AGK: variants seen among roughly 807,000 people sequenced by gnomAD.
The protein encoded by AGK is acylglycerol kinase, mitochondrial.
A neutral mutation model predicts 66.4 loss-of-function variants in AGK; 52 were observed. The observed-to-expected ratio is 0.78, with a 90% CI of 0.63 to 0.99. AGK has a LOEUF of 0.99. Among genes scored for constraint, AGK ranks in the 50% least tolerant of loss-of-function variants. The pLI, the probability that AGK is intolerant of heterozygous loss-of-function variation, is 0.00. For missense variants in AGK, 451 were observed against 506.6 expected, an observed-to-expected ratio of 0.89 and a Z score of 1.05; for synonymous variants, 182 against 181.1, an observed-to-expected ratio of 1.00 and a Z score of -0.04.
rs1352062512 is a variant in AGK at position 141,648,728 on chromosome 7, G to A, written c.976-535G>A. Reference sequence around the variant, plus strand: ...AAATCATCCAGAGCTTTCTGTGGCTGGAAATGGAAAGTTTTTAAACATTAC... The same window carrying A: ...AAATCATCCAGAGCTTTCTGTGGCTAGAAATGGAAAGTTTTTAAACATTAC... On this transcript the variant is annotated intron_variant, in intron 13 of 15. Coordinates refer to ENST00000649286, the MANE Select transcript of AGK (RefSeq NM_018238.4). Among the ~76,000 whole-genome samples the A allele has an allele frequency of 3.3e-5, 5 of 152,238 alleles. No individual in the cohort carries two copies. The South Asian group carries it at 8.3e-4, about 25-fold the overall frequency.
chr7:141,625,538 A>G (rs1025463090), intron 9 of AGK, among the ~76,000 whole-genome samples: 5 of 152,106 alleles, frequency 3.3e-5, no homozygotes, highest in African/African-American at 1.2e-4. Flanking sequence ...TTTTGTATAG[A>G]TGGAGTCTCA....
chr7:141,636,011 AAC>A (rs1208089392), intron 10 of AGK, among the ~76,000 whole-genome samples: 3 of 152,224 alleles, frequency 2.0e-5, no homozygotes, highest in African/African-American at 7.2e-5. Flanking sequence ...GTGATTTGTT[AAC>A]AGAGATAAGT....
At chr7:141,621,927 C>A in intron 9 of AGK, 126 bp downstream of exon 9, 1 of 652,618 alleles carries the variant, frequency 1.5e-6, no homozygotes, top group Non-Finnish European at 2.7e-6. Flanking sequence ...CCATTCCTAC[C>A]CCAAGTATTA....
At chr7:141,561,512 G>A (rs1315343919) in intron 2 of AGK, among the ~76,000 whole-genome samples, 1 of 151,776 alleles carries the variant, frequency 6.6e-6, no homozygotes, top group Admixed American at 6.5e-5. Flanking sequence ...GCATTTCCCT[G>A]ATGATTAGTG....
At chr7:141,611,356 G>A in intron 6 of AGK, 69 bp downstream of exon 6, 2 of 1,127,172 alleles carry the variant, frequency 1.8e-6, no homozygotes, top group Non-Finnish European at 2.5e-6. Flanking sequence ...CTAGAGCAAT[G>A]GTATGTTGTA....
intron 8 of AGK, chr7:141,615,793 T>C (rs906384656): frequency 3.9e-6 from 2 of 511,018 alleles, no homozygotes; most frequent in African/African-American, 1.9e-5. Context: ...GAATACTTGA[T>C]GTCCTTTTGT....
intron 5 of AGK, among the ~76,000 whole-genome samples, chr7:141,603,785 C>T (rs1178674764): frequency 1.3e-5 from 2 of 152,206 alleles, no homozygotes; most frequent in African/African-American, 4.8e-5. Context: ...TCCCCTGGCT[C>T]ATGTTGTCTC....
chr7:141,626,640 T>C (rs1178218516), intron 9 of AGK, among the ~76,000 whole-genome samples: 1 of 152,162 alleles, frequency 6.6e-6, no homozygotes, highest in African/African-American at 2.4e-5. Flanking sequence ...AATATAATCA[T>C]GAAGAATTAG....
chr7:141,638,608 G>A (rs1279160590), intron 11 of AGK, among the ~76,000 whole-genome samples: 3 of 152,136 alleles, frequency 2.0e-5, no homozygotes, highest in East Asian at 1.9e-4. Context: ...GGGAAGTGAC[G>A]TATAGACTAA....
intron 13 of AGK, among the ~76,000 whole-genome samples, chr7:141,647,879 C>A (rs560659503): frequency 6.6e-6 from 1 of 152,184 alleles, no homozygotes. Context: ...CCACGTTGGC[C>A]GGGCTGGTCT....
At chr7:141,577,537 G>A (rs777026073) in intron 2 of AGK, among the ~76,000 whole-genome samples, 4 of 152,092 alleles carry the variant, frequency 2.6e-5, no homozygotes, top group Non-Finnish European at 5.9e-5. Flanking sequence ...AATTTATTGG[G>A]CAAAAAGGCA....
Position 141,593,391 on chromosome 7 carries a change from A to G in AGK, c.141+206A>G, listed in dbSNP as rs961067682. Reference sequence around the variant, plus strand: ...CTGGTGAAGAGCAGTTCTGACGCCCACCCCTATAGACTGTTTGTTTCTGGA... The same window carrying G: ...CTGGTGAAGAGCAGTTCTGACGCCCGCCCCTATAGACTGTTTGTTTCTGGA... On this transcript the variant is annotated intron_variant, in intron 3 of 15. Transcript: ENST00000649286. 17 of 703,682 alleles carry G rather than the reference A, an allele frequency of 2.4e-5. No individual in the cohort carries two copies. The African/African-American group carries it at 2.4e-4, about 10-fold the overall frequency. The allele number at this position is 703,682 out of a possible 1,614,324, so 43.6% of individuals were successfully genotyped here. A position where few individuals can be genotyped will look rare whatever the true frequency, so the allele number is the denominator to read the frequency against.
chr7:141,621,070 G>T (rs957845816), intron 8 of AGK, among the ~76,000 whole-genome samples: 1 of 152,164 alleles, frequency 6.6e-6, no homozygotes, highest in Admixed American at 6.5e-5. Flanking sequence ...GCTCATTAAA[G>T]CCTGAGACCT....
rs1795185648 is a variant in AGK, at chr7:141,555,387, T to A, written c.-14-66T>A. On this transcript the variant is annotated intron_variant, in intron 1 of 15. Transcript: ENST00000649286. This position sits in a 1 kb window ranked among gnomAD's most constrained non-coding sequence, Gnocchi z 4.2. ...GATAAAAGAATGGAAGACAGAGTAA[T>A]AGGGACATTACATGAAGACCATGGA... The A allele has an allele frequency of 9.2e-7, 1 of 1,081,226 alleles. No individual in the cohort carries two copies. The highest frequency in any genetic ancestry group is 1.6e-5 in the African/African-American group (1 of 63,678). The allele number at this position is 1,081,226 out of a possible 1,614,324, so 67.0% of individuals were successfully genotyped here.
chr7:141,602,373 T>G (rs1243321589), intron 5 of AGK, among the ~76,000 whole-genome samples: 1 of 152,180 alleles, frequency 6.6e-6, no homozygotes, highest in African/African-American at 2.4e-5. Context: ...ACATTAAATT[T>G]CTTTAACAGT....
intron 1 of AGK, among the ~76,000 whole-genome samples, chr7:141,551,803 T>C (rs1386635185): frequency 2.0e-5 from 3 of 151,996 alleles, no homozygotes; most frequent in African/African-American, 7.2e-5. Flanking sequence ...ATCAGATCCA[T>C]TGATGGGTTG....
Position 141,580,625 on chromosome 7 carries a change from G to A in AGK, c.102-12521G>A, listed in dbSNP as rs554104544. 2.9e-4 allele frequency among the ~76,000 whole-genome samples: 44 copies of A among 152,126 alleles called. No homozygotes were observed. In the South Asian group the frequency reaches 8.9e-3, roughly 31 times the overall value. ...GAAGAAAATAGATTTTGGAAGTTAT[G>A]AGAGCTGTAGAGAGTGAGTTGAGCA... On this transcript the variant is annotated intron_variant, in intron 2 of 15. Transcript: ENST00000649286.
intron 8 of AGK, among the ~76,000 whole-genome samples, chr7:141,617,993 T>A (rs904464435): frequency 2.3e-4 from 35 of 152,062 alleles, no homozygotes; most frequent in African/African-American, 8.2e-4. Flanking sequence ...GAGAAAAAAA[T>A]GGTGTAAAAA....
rs190474147 is a variant in AGK at position 141,594,898 on chromosome 7, G to A, written c.142-1664G>A. On this transcript the variant is annotated intron_variant, in intron 3 of 15. Transcript: ENST00000649286. ...GAACTCCTGACCTTGTGATCCACTC[G>A]CCTTGGCCTCCCAAAGTGCTGCAAT... 1.1e-4 allele frequency among the ~76,000 whole-genome samples: 16 copies of A among 152,136 alleles called. No homozygotes were observed. The highest frequency in any genetic ancestry group is 3.9e-4 in the African/African-American group (16 of 41,516).
Sources: allele counts gnomAD v4.1 joint callset (sites outside exome capture counted in the v4.1 genomes callset), GRCh38; gene constraint gnomAD v4.1.1; non-coding constraint Gnocchi (gnomAD v3.1); transcripts MANE v1.5; gene names NCBI Gene and HGNC (gene_info 2026-07-23, HGNC 2026-07-21).